Variants in ADGRA3 observed in about 807,000 individuals in gnomAD.
ADGRA3 encodes the protein G-protein coupled receptor 125.
In ADGRA3, 56 loss-of-function variants were observed where a neutral mutation model predicts 119.8. The ratio of observed to expected loss-of-function variants is 0.47; its 90% CI spans 0.38 to 0.58. The LOEUF (loss-of-function observed/expected upper bound fraction) is 0.58, where lower values mean the gene tolerates loss of function less well. Ranked by LOEUF, ADGRA3 falls within the 20% of genes least tolerant of loss-of-function variation. The pLI, the probability that ADGRA3 is intolerant of heterozygous loss-of-function variation, is 0.00. For synonymous variants in ADGRA3, 607 were observed against 623.8 expected (o/e 0.97, Z 0.40); for missense variants, 1,516 against 1,649.0 (o/e 0.92, Z 1.40).
intron 12 of ADGRA3, among the ~76,000 whole-genome samples, chr4:22,419,001 C>T (rs528198413): frequency 1.3e-5 from 2 of 152,206 alleles, no homozygotes; most frequent in African/African-American, 2.4e-5. Flanking sequence ...AGCCTAGAGA[C>T]ACAGAGACTC....
intron 1 of ADGRA3, among the ~76,000 whole-genome samples, chr4:22,512,769 G>C (rs1308526780): frequency 1.3e-5 from 2 of 152,106 alleles, no homozygotes; most frequent in Admixed American, 1.3e-4. Flanking sequence ...AGATTGATTT[G>C]GGGTTTGTGG....
chr4:22,464,734 C>G (rs1717593951), intron 2 of ADGRA3, among the ~76,000 whole-genome samples: 1 of 152,160 alleles, frequency 6.6e-6, no homozygotes, highest in Non-Finnish European at 1.5e-5. Flanking sequence ...AGGAAGAGTC[C>G]TCACCTGGAA....
intron 9 of ADGRA3, among the ~76,000 whole-genome samples, chr4:22,435,878 A>G (rs1370961576): frequency 6.6e-6 from 1 of 152,046 alleles, no homozygotes; most frequent in African/African-American, 2.4e-5. Context: ...ACTTATCTTT[A>G]TTGCCATGCA....
At chr4:22,509,105 T>C (rs990023576) in intron 1 of ADGRA3, among the ~76,000 whole-genome samples, 1 of 152,120 alleles carries the variant, frequency 6.6e-6, no homozygotes, top group Non-Finnish European at 1.5e-5. Context: ...GAACAGAACA[T>C]GGAGTTTCAC....
chr4:22,494,780 T>C (rs1373015022), intron 1 of ADGRA3, among the ~76,000 whole-genome samples: 1 of 152,018 alleles, frequency 6.6e-6, no homozygotes, highest in Admixed American at 6.6e-5. Context: ...TATTTTTAGT[T>C]ATTTTTAACT....
At chr4:22,448,467 G>A (rs1716908247) in intron 4 of ADGRA3, among the ~76,000 whole-genome samples, 1 of 152,168 alleles carries the variant, frequency 6.6e-6, no homozygotes, top group Non-Finnish European at 1.5e-5. Context: ...TGAGGTGGGG[G>A]TGGAACACAG....
At chr4:22,454,840 T>C (rs947473976) in intron 4 of ADGRA3, 26 bp downstream of exon 4, 6 of 1,566,608 alleles carry the variant, frequency 3.8e-6, no homozygotes, top group Admixed American at 3.3e-5. Flanking sequence ...CCTTATCTTT[T>C]AATGGGAAAG....
intron 1 of ADGRA3, among the ~76,000 whole-genome samples, chr4:22,501,435 A>C (rs1181888008): frequency 6.6e-6 from 1 of 152,236 alleles, no homozygotes; most frequent in Non-Finnish European, 1.5e-5. Flanking sequence ...ACTCTGGGTC[A>C]GAATAAACTG....
At chr4:22,511,625 G>C (rs1289739590) in intron 1 of ADGRA3, among the ~76,000 whole-genome samples, 1 of 151,918 alleles carries the variant, frequency 6.6e-6, no homozygotes, top group African/African-American at 2.4e-5. Flanking sequence ...GCCACATCAC[G>C]ACTCAGCTGA....
chr4:22,476,553 A>G (rs1718052181), intron 1 of ADGRA3, among the ~76,000 whole-genome samples: 1 of 152,204 alleles, frequency 6.6e-6, no homozygotes, highest in African/African-American at 2.4e-5. Context: ...GATTGACAAT[A>G]TATTTCTGAC....
chr4:22,424,292 A>C lies in ADGRA3; in HGVS notation c.1504T>G (p.Trp502Gly). ...NIMLADERVL[W>G]LAQREAKACS... is the part of the protein sequence containing the mutation. ...GCTTTAGCTTCCCTCTGCGCCAGCC[A>C]CAGGACACGTTCATCAGCCAACATG... The change falls in exon 11 of 19, where the codon TGG becomes GGG. Residue 502 changes from tryptophan (W) to glycine (G), a missense_variant. By Grantham distance (184) the Trp-to-Gly change is radical (BLOSUM62 -2). This residue lies in a region of ADGRA3 where 1,088 missense variants were observed against 1,107.1 expected (regional missense o/e 0.98). Coordinates refer to ENST00000334304, the MANE Select transcript of ADGRA3 (RefSeq NM_145290.4). 6.2e-7 allele frequency: 1 copy of C among 1,613,940 alleles called. No individual in the cohort carries two copies. The highest frequency in any genetic ancestry group is 8.5e-7 in the Non-Finnish European group (1 of 1,179,888).
Position 22,511,307 on chromosome 4 carries a change from T to G in ADGRA3, c.257+4221A>C, listed in dbSNP as rs188927263. Among the ~76,000 whole-genome samples, 104 of 152,270 alleles carry G rather than the reference T, an allele frequency of 6.8e-4. 1 individual carries two copies. In the East Asian group the frequency reaches 0.02, roughly 29 times the overall value. ...GTATATTTTCAACAAAAACACTAAATGTAGGTAAATTTTTGTTCAATTTCT... is the reference window on the plus strand; with the variant it reads ...GTATATTTTCAACAAAAACACTAAAGGTAGGTAAATTTTTGTTCAATTTCT... On this transcript the variant is annotated intron_variant, in intron 1 of 18. Coordinates refer to ENST00000334304, the MANE Select transcript of ADGRA3 (RefSeq NM_145290.4).
intron 1 of ADGRA3, among the ~76,000 whole-genome samples, chr4:22,511,754 C>T (rs1028900461): frequency 1.3e-5 from 2 of 152,096 alleles, no homozygotes; most frequent in Non-Finnish European, 2.9e-5. Flanking sequence ...TTTGACATTC[C>T]GGTAACACCA....
intron 2 of ADGRA3, among the ~76,000 whole-genome samples, chr4:22,467,117 A>G (rs1365744535): frequency 7.2e-5 from 11 of 152,188 alleles, no homozygotes; most frequent in Admixed American, 6.5e-4. Flanking sequence ...TTCACCAAAC[A>G]TATGTAAGCA....
At chr4:22,497,911 T>C (rs1577384396) in intron 1 of ADGRA3, among the ~76,000 whole-genome samples, 1 of 137,674 alleles carries the variant, frequency 7.3e-6, no homozygotes, top group Middle Eastern at 4.4e-3. Context: ...ACCACTTCAC[T>C]CCAGCCTGGG....
intron 1 of ADGRA3, among the ~76,000 whole-genome samples, chr4:22,508,975 C>G (rs1719339923): frequency 6.6e-6 from 1 of 152,156 alleles, no homozygotes; most frequent in Non-Finnish European, 1.5e-5. Context: ...CCCCACTGCC[C>G]TCACGCCTGC....
chr4:22,436,873 A>G (rs1258986240), intron 8 of ADGRA3, among the ~76,000 whole-genome samples: 1 of 152,224 alleles, frequency 6.6e-6, no homozygotes, highest in East Asian at 1.9e-4. Context: ...TCATCACAGG[A>G]ACCACTAAAT....
intron 10 of ADGRA3, among the ~76,000 whole-genome samples, chr4:22,431,510 C>T (rs892000813): frequency 7.2e-5 from 11 of 152,216 alleles, no homozygotes; most frequent in Non-Finnish European, 1.3e-4. Context: ...GACTGCTCCG[C>T]TGTTGTGTGA....
At chr4:22,410,661 T>C (rs990958214) in intron 14 of ADGRA3, among the ~76,000 whole-genome samples, 3 of 152,128 alleles carry the variant, frequency 2.0e-5, no homozygotes, top group Non-Finnish European at 4.4e-5. Context: ...GACACTGCTT[T>C]CTAATTTGCT....
Sources: allele counts gnomAD v4.1 joint callset (sites outside exome capture counted in the v4.1 genomes callset), GRCh38; gene constraint gnomAD v4.1.1; regional missense constraint gnomAD v4.1.1; transcripts MANE v1.5; gene names NCBI Gene and HGNC (gene_info 2026-07-23, HGNC 2026-07-21).